Variants in ALK observed in about 807,000 individuals in gnomAD.
The protein encoded by ALK is ALK receptor tyrosine kinase.
In ALK, 74 loss-of-function variants were observed where a neutral mutation model predicts 163.1. The ratio of observed to expected loss-of-function variants is 0.45; its 90% CI spans 0.38 to 0.55. The LOEUF is 0.55. ALK is among the 20% of genes least tolerant of loss of function. The pLI is 0.00. For missense variants in ALK, 2,063 were observed against 2,105.3 expected, an observed-to-expected ratio of 0.98 and a Z score of 0.39; for synonymous variants, 960 against 843.2, an observed-to-expected ratio of 1.14 and a Z score of -2.40.
intron 3 of ALK, among the ~76,000 whole-genome samples, chr2:29,677,855 T>C (rs1677931904): frequency 6.6e-6 from 1 of 152,104 alleles, no homozygotes; most frequent in African/African-American, 2.4e-5. Flanking sequence ...ATGTCAATAA[T>C]TGGCATAATT....
In ALK at chr2:29,420,071, C is replaced by T. The variant is rs577015753; in HGVS notation, c.1155-36212G>A. On this transcript the variant is annotated intron_variant, in intron 4 of 28. Coordinates refer to ENST00000389048, the MANE Select transcript of ALK (RefSeq NM_004304.5). Reference sequence around the variant, plus strand: ...ACTCAGGAGGCTGAGGCAGGAGGATCGCTTGAATTTGGGAGGTTGAGGCTG... The same window carrying T: ...ACTCAGGAGGCTGAGGCAGGAGGATTGCTTGAATTTGGGAGGTTGAGGCTG... Among the ~76,000 whole-genome samples the T allele has an allele frequency of 9.3e-4, 136 of 147,000 alleles. 11 individuals carry two copies. The highest frequency in any genetic ancestry group is 6.9e-3 in the Middle Eastern group (2 of 290).
intron 3 of ALK, among the ~76,000 whole-genome samples, chr2:29,645,895 G>A (rs540853857): frequency 6.6e-6 from 1 of 151,950 alleles, no homozygotes; most frequent in Non-Finnish European, 1.5e-5. Flanking sequence ...TGCTAATATT[G>A]GAGTTCCATG....
chr2:29,643,976 C>A (rs1020310401), intron 3 of ALK, among the ~76,000 whole-genome samples: 2 of 151,810 alleles, frequency 1.3e-5, no homozygotes, highest in African/African-American at 4.8e-5. Flanking sequence ...CTATTCACAA[C>A]AGCAAAGACT....
intron 5 of ALK, among the ~76,000 whole-genome samples, chr2:29,345,853 C>G (rs1017888396): frequency 3.9e-4 from 59 of 152,128 alleles, no homozygotes; most frequent in African/African-American, 1.3e-3. Context: ...GCCAACCAAA[C>G]AAGCCCAATG....
chr2:29,355,020 C>A (rs893799317), intron 5 of ALK, among the ~76,000 whole-genome samples: 1 of 152,174 alleles, frequency 6.6e-6, no homozygotes, highest in Non-Finnish European at 1.5e-5. Flanking sequence ...CCTGTCTCGG[C>A]CTCCCAAAGT....
chr2:29,425,134 T>C (rs1670103034), intron 4 of ALK, among the ~76,000 whole-genome samples: 1 of 152,132 alleles, frequency 6.6e-6, no homozygotes. Context: ...TTAAAGTCTT[T>C]GGAAATTGTC....
chr2:29,823,775 A>G (rs1391466390), intron 1 of ALK, among the ~76,000 whole-genome samples: 1 of 152,234 alleles, frequency 6.6e-6, no homozygotes, highest in Admixed American at 6.5e-5. Context: ...GCAGAGCATA[A>G]AAGTTCAGAA....
intron 4 of ALK, among the ~76,000 whole-genome samples, chr2:29,531,529 C>T (rs1346509805): frequency 1.3e-5 from 2 of 152,168 alleles, no homozygotes; most frequent in East Asian, 3.9e-4. Context: ...CCTTTCCCTT[C>T]CTGCCCAACT....
At chr2:29,222,730 C>T (rs1669841259) in intron 20 of ALK, 123 bp from the exon 21 acceptor site, 2 of 784,424 alleles carry the variant, frequency 2.5e-6, no homozygotes, top group Admixed American at 2.1e-5. Flanking sequence ...GTAACATACA[C>T]ACTCAGGAGT....
chr2:29,870,092 G>T (rs1249616797), intron 1 of ALK, among the ~76,000 whole-genome samples: 2 of 152,120 alleles, frequency 1.3e-5, no homozygotes, highest in Admixed American at 1.3e-4. Context: ...AAAAGTTGGT[G>T]AGTTAATTTG....
chr2:29,918,759 C>T (rs1359856007), intron 1 of ALK, among the ~76,000 whole-genome samples: 2 of 152,080 alleles, frequency 1.3e-5, no homozygotes, highest in Non-Finnish European at 1.5e-5. Context: ...CTACAATGGG[C>T]CCTTTTCAAT....
At chr2:29,504,251 T>C (rs949041133) in intron 4 of ALK, among the ~76,000 whole-genome samples, 1 of 152,106 alleles carries the variant, frequency 6.6e-6, no homozygotes, top group Non-Finnish European at 1.5e-5. Context: ...GGGCAGCCAG[T>C]GTGGGGACGC....
chr2:29,334,964 G>C (rs185841057), intron 5 of ALK, among the ~76,000 whole-genome samples: 5 of 152,332 alleles, frequency 3.3e-5, no homozygotes, highest in African/African-American at 1.2e-4. Flanking sequence ...TCAAGGGCCT[G>C]AGTTCCCAAA....
intron 1 of ALK, among the ~76,000 whole-genome samples, chr2:29,861,301 A>C (rs1274075254): frequency 1.3e-5 from 2 of 152,220 alleles, no homozygotes; most frequent in Non-Finnish European, 2.9e-5. Context: ...CAAATATCAG[A>C]ACAGAAATAA....
rs373708982 is a variant in ALK, at chr2:29,768,743, G to GTGTGTGTGTA, written c.668-51047_668-51046insTACACACACA. On this transcript the variant is annotated intron_variant, in intron 1 of 28. Transcript: ENST00000389048. ...TGTGTGTGTGTGTGTGTGTGTGTGT[G>GTGTGTGTGTA]TATATATGTATATGTGCCTATAAGC... Among the ~76,000 whole-genome samples the GTGTGTGTGTA allele has an allele frequency of 4.6e-3, 692 of 150,672 alleles. 5 individuals carry two copies. Among genetic ancestry groups the GTGTGTGTGTA allele is most frequent in the African/African-American group, 0.016 (658 of 40,924 alleles).
rs185218933 is a variant in ALK, at chr2:29,246,992, T to C, written c.2204+4113A>G. On this transcript the variant is annotated intron_variant, in intron 12 of 28. Transcript: ENST00000389048. The surrounding 1 kb of genome is among the most constrained non-coding windows in gnomAD (Gnocchi z 4.3). ...ACTTCTCATCGGCAGTACCGACTTC[T>C]TGTGCTCACCGCAGGCTCTGGCCAC... Among the ~76,000 whole-genome samples, 83 of 152,304 alleles carry C rather than the reference T, an allele frequency of 5.4e-4. 1 individual carries two copies. In the East Asian group the frequency reaches 8.9e-3, roughly 16 times the overall value.
At chr2:29,802,759 A>G (rs1664517643) in intron 1 of ALK, among the ~76,000 whole-genome samples, 1 of 150,776 alleles carries the variant, frequency 6.6e-6, no homozygotes, top group African/African-American at 2.4e-5. Context: ...GGGAAAAGAA[A>G]CAAAAGAGAC....
At chr2:29,458,155 C>T (rs576987319) in intron 4 of ALK, among the ~76,000 whole-genome samples, 5 of 152,274 alleles carry the variant, frequency 3.3e-5, no homozygotes, top group African/African-American at 1.2e-4. Flanking sequence ...TACATGCACA[C>T]ATACATGTAC....
intron 26 of ALK, among the ~76,000 whole-genome samples, chr2:29,200,772 CGTATATATAT>C (rs1299579602): frequency 1.1e-4 from 12 of 110,960 alleles, no homozygotes; most frequent in Non-Finnish European, 1.4e-4. Context: ...TATATATATA[CGTATATATAT>C]GTATATACAT....
Sources: gnomAD v4.1 joint callset for allele counts (sites outside exome capture counted in the v4.1 genomes callset) on GRCh38, gnomAD v4.1.1 for gene constraint, Gnocchi (gnomAD v3.1) non-coding constraint, MANE v1.5 for transcripts, NCBI Gene and HGNC (gene_info 2026-07-23, HGNC 2026-07-21) for gene names.